Variants in RNF212B observed in about 807,000 individuals in gnomAD.
The protein encoded by RNF212B is ring finger protein 212B.
Under a neutral mutation model 55.5 loss-of-function variants are expected in RNF212B, and 52 were observed. That is an observed-to-expected ratio of 0.94 (90% CI 0.75 to 1.18). The LOEUF (loss-of-function observed/expected upper bound fraction) is 1.18. RNF212B is among the 50% of genes most tolerant of loss of function. RNF212B has a pLI of 0.00. For synonymous variants in RNF212B, 99 were observed against 121.4 expected, an observed-to-expected ratio of 0.82 and a Z score of 1.21; for missense variants, 289 against 350.4, an observed-to-expected ratio of 0.82 and a Z score of 1.40.
chr14:23,242,453 CA>C (rs1434178073), intron 2 of RNF212B, among the ~76,000 whole-genome samples: 9 of 152,264 alleles, frequency 5.9e-5, no homozygotes, highest in African/African-American at 2.2e-4. Flanking sequence ...GCAAGATTAA[CA>C]AATATTAGCA....
intron 14 of RNF212B, among the ~76,000 whole-genome samples, chr14:23,270,965 A>C (rs1302013191): frequency 6.6e-6 from 1 of 152,214 alleles, no homozygotes; most frequent in African/African-American, 2.4e-5. Flanking sequence ...TTCCACAAGA[A>C]AGTATTTTCT....
chr14:23,203,006 G>C (rs961586456), intron 2 of RNF212B, among the ~76,000 whole-genome samples: 6 of 151,518 alleles, frequency 4.0e-5, no homozygotes, highest in African/African-American at 1.5e-4. Flanking sequence ...TAGGTTTTTT[G>C]GGGAACAGGG....
At chr14:23,219,036 A>G (rs1299904727) in intron 2 of RNF212B, among the ~76,000 whole-genome samples, 3 of 152,226 alleles carry the variant, frequency 2.0e-5, no homozygotes, top group Non-Finnish European at 4.4e-5. Context: ...AGAGAGTGGC[A>G]TGACATATTT....
chr14:23,198,640 C>A (rs1878973927), intron 2 of RNF212B, among the ~76,000 whole-genome samples: 1 of 149,088 alleles, frequency 6.7e-6, no homozygotes, highest in African/African-American at 2.5e-5. Context: ...CGCGCCATGG[C>A]ACTCCAGCCT....
chr14:23,242,667 A>C (rs1485166701), intron 2 of RNF212B, among the ~76,000 whole-genome samples: 3 of 152,130 alleles, frequency 2.0e-5, no homozygotes, highest in African/African-American at 7.2e-5. Context: ...AAAATTGGGA[A>C]TTTATAAAAA....
intron 2 of RNF212B, among the ~76,000 whole-genome samples, chr14:23,226,368 C>A (rs567595923): frequency 6.6e-6 from 1 of 151,454 alleles, no homozygotes; most frequent in East Asian, 1.9e-4. Flanking sequence ...CGGTGGCTCA[C>A]GCCTGTAATC....
At chr14:23,235,321 G>A (rs1883024374), upstream of RNF212B, among the ~76,000 whole-genome samples, 1 of 152,070 alleles carries the variant, frequency 6.6e-6, no homozygotes, top group Admixed American at 6.6e-5. Flanking sequence ...CTAAACTCTA[G>A]CCTGGGCAGC....
chr14:23,235,030 G>T (rs901328650), upstream of RNF212B, among the ~76,000 whole-genome samples: 1 of 152,136 alleles, frequency 6.6e-6, no homozygotes, highest in Non-Finnish European at 1.5e-5. Context: ...TGGCCAACAT[G>T]GTGAAACCCC....
chr14:23,253,322 T>C (rs1463816010), intron 4 of RNF212B, among the ~76,000 whole-genome samples: 1 of 152,210 alleles, frequency 6.6e-6, no homozygotes, highest in Non-Finnish European at 1.5e-5. Context: ...AGTTGGTTAT[T>C]ATGTCTCTTA....
At chr14:23,204,479 G>T (rs1879641009) in intron 2 of RNF212B, among the ~76,000 whole-genome samples, 1 of 151,510 alleles carries the variant, frequency 6.6e-6, no homozygotes. Flanking sequence ...TTATTAAAAA[G>T]TGTCCTTTCC....
intron 1 of RNF212B, among the ~76,000 whole-genome samples, chr14:23,192,430 A>C (rs1269012471): frequency 1.3e-5 from 2 of 151,896 alleles, no homozygotes; most frequent in African/African-American, 4.8e-5. Flanking sequence ...GCAAACTATC[A>C]CAAGGACAAA....
intron 2 of RNF212B, among the ~76,000 whole-genome samples, chr14:23,202,277 T>C (rs1347852845): frequency 6.6e-6 from 1 of 151,080 alleles, no homozygotes; most frequent in African/African-American, 2.4e-5. Context: ...AAGCAGTTGG[T>C]TAATGCTTCA....
At chr14:23,219,691 C>T (rs1404525285) in intron 2 of RNF212B, among the ~76,000 whole-genome samples, 1 of 151,894 alleles carries the variant, frequency 6.6e-6, no homozygotes, top group Non-Finnish European at 1.5e-5. Context: ...AGGCTGGTCT[C>T]AAACTGCCGA....
At chr14:23,227,256 A>C (rs1165418589) in intron 2 of RNF212B, among the ~76,000 whole-genome samples, 1 of 151,534 alleles carries the variant, frequency 6.6e-6, no homozygotes, top group Non-Finnish European at 1.5e-5. Flanking sequence ...TAGAAACTTT[A>C]TTCGTTGATC....
chr14:23,187,015 A>G (rs934243202), intron 1 of RNF212B, among the ~76,000 whole-genome samples: 4 of 152,192 alleles, frequency 2.6e-5, no homozygotes, highest in Admixed American at 6.5e-5. Context: ...AGTGAGACCC[A>G]CAGGACTTCA....
intron 2 of RNF212B, among the ~76,000 whole-genome samples, chr14:23,228,467 A>G (rs1882238486): frequency 6.7e-6 from 1 of 148,824 alleles, no homozygotes; most frequent in Non-Finnish European, 1.5e-5. Context: ...TCTACCAAAA[A>G]AAAAAAAAAA....
chr14:23,257,451 A>G (rs1884931084), intron 4 of RNF212B, among the ~76,000 whole-genome samples: 1 of 152,246 alleles, frequency 6.6e-6, no homozygotes, highest in Admixed American at 6.5e-5. Flanking sequence ...TCAAGTAGAA[A>G]GGAAACTCTT....
At chr14:23,246,031 G>C (rs1297316003) in intron 4 of RNF212B, among the ~76,000 whole-genome samples, 1 of 152,080 alleles carries the variant, frequency 6.6e-6, no homozygotes, top group Admixed American at 6.5e-5. Context: ...TGTGCTAATA[G>C]TTGATCAAGC....
intron 2 of RNF212B, among the ~76,000 whole-genome samples, chr14:23,198,922 G>A (rs959930330): frequency 1.3e-4 from 19 of 151,976 alleles, no homozygotes; most frequent in African/African-American, 4.4e-4. Context: ...AGCTAGCTTG[G>A]TATATATATA....
Sources: allele counts gnomAD v4.1 joint callset (sites outside exome capture counted in the v4.1 genomes callset), GRCh38; gene constraint gnomAD v4.1.1; transcripts MANE v1.5; gene names NCBI Gene and HGNC (gene_info 2026-07-23, HGNC 2026-07-21).